SCIN: variants seen among roughly 807,000 people sequenced by gnomAD.
SCIN encodes the protein adseverin.
A neutral mutation model predicts 91.8 loss-of-function variants in SCIN; 91 were observed. The observed-to-expected ratio is 0.99, with a 90% CI of 0.84 to 1.18. The LOEUF (loss-of-function observed/expected upper bound fraction) is 1.18, where lower values mean the gene tolerates loss of function less well. SCIN is among the 50% of genes most tolerant of loss of function. The probability of loss-of-function intolerance (pLI) is 0.00; values close to 1 mark genes in which losing one functional copy is unlikely to be tolerated. For missense variants in SCIN, 1,087 were observed against 863.9 expected, an observed-to-expected ratio of 1.26 and a Z score of -3.24; for synonymous variants, 367 against 312.6, an observed-to-expected ratio of 1.17 and a Z score of -1.84.
At chr7:12,640,277 A>C (rs767137361) in intron 10 of SCIN, 70 bp from the exon 11 acceptor site, 1 of 1,325,622 alleles carries the variant, frequency 7.5e-7, no homozygotes, top group Admixed American at 3.0e-5. Context: ...ATAAGAACAC[A>C]TTTGGAACTA....
At chr7:12,612,396 G>A (rs1024255094) in intron 4 of SCIN, among the ~76,000 whole-genome samples, 1 of 152,120 alleles carries the variant, frequency 6.6e-6, no homozygotes, top group African/African-American at 2.4e-5. Context: ...TAGTCCTGAG[G>A]CTACACTGCA....
intron 11 of SCIN, among the ~76,000 whole-genome samples, chr7:12,642,171 T>C (rs1388464298): frequency 6.6e-6 from 1 of 152,038 alleles, no homozygotes; most frequent in African/African-American, 2.4e-5. Context: ...TTACATAGAC[T>C]ATTGCTCCTA....
Position 12,640,468 on chromosome 7 carries a change from G to C in SCIN, c.1532G>C (p.Arg511Pro). 6.2e-7 allele frequency: 1 copy of C among 1,612,648 alleles called. No individual in the cohort carries two copies. The highest frequency in any genetic ancestry group is 8.5e-7 in the Non-Finnish European group (1 of 1,179,356). ...KGGQAPAPPT[R>P]LFQVRRNLAS... is the part of the protein sequence containing the mutation. ...GGTCAGGCACCTGCTCCCCCTACAC[G>C]CCTCTTTCAAGTCCGGAGAAACCTG... is the stretch of plus-strand genomic sequence containing the variant. The change falls in exon 11 of 16, where the codon CGC (arginine) becomes CCC (proline). Residue 511 changes from arginine (R) to proline (P), a missense_variant. Transcript: ENST00000297029.
At chr7:12,607,417 AAAAG>A (rs1264588866) in intron 4 of SCIN, among the ~76,000 whole-genome samples, 16 of 152,242 alleles carry the variant, frequency 1.1e-4, no homozygotes, top group African/African-American at 3.9e-4. Context: ...AATGTTTCGA[AAAAG>A]AAAGTGTAAA....
chr7:12,601,032 T>C (rs998861804), intron 3 of SCIN, among the ~76,000 whole-genome samples: 12 of 152,230 alleles, frequency 7.9e-5, no homozygotes, highest in Admixed American at 2.6e-4. Context: ...CACTATTCTT[T>C]TAGAAATAGG....
In SCIN at chr7:12,658,202, C is replaced by G. The variant is rs1784205345; in HGVS notation, c.*5487C>G. ...TAGGTAAACAGTAAACAAGAATAAGCAAATTTGAGTTTTCCTAATTATTTG... is the reference window on the plus strand; with the variant it reads ...TAGGTAAACAGTAAACAAGAATAAGGAAATTTGAGTTTTCCTAATTATTTG... On this transcript the variant is annotated 3_prime_UTR_variant, in exon 16 of 16. Coordinates refer to ENST00000297029, the MANE Select transcript of SCIN (RefSeq NM_001112706.3). 1 of 152,136 alleles carries G rather than the reference C, an allele frequency of 6.6e-6. No individual in the cohort carries two copies. The highest frequency in any genetic ancestry group is 1.5e-5 in the Non-Finnish European group (1 of 68,030). 9.4% of individuals were successfully genotyped at this position (152,136 alleles called of 1,614,324 possible).
chr7:12,642,141 A>G (rs1783870470), intron 11 of SCIN, among the ~76,000 whole-genome samples: 1 of 151,944 alleles, frequency 6.6e-6, no homozygotes, highest in African/African-American at 2.4e-5. Flanking sequence ...TATATCAATA[A>G]ATAATTTATT....
intron 3 of SCIN, among the ~76,000 whole-genome samples, chr7:12,586,810 G>A (rs1486899963): frequency 3.3e-5 from 5 of 152,164 alleles, no homozygotes; most frequent in African/African-American, 1.2e-4. Flanking sequence ...ATTATGTTAA[G>A]CAAAGCAAGT....
At chr7:12,645,533 C>T (rs1249922202) in intron 13 of SCIN, among the ~76,000 whole-genome samples, 3 of 152,062 alleles carry the variant, frequency 2.0e-5, no homozygotes, top group African/African-American at 4.8e-5. Context: ...TGTGCAGGTT[C>T]GTTACATAGG....
In SCIN at chr7:12,652,697, G is replaced by A. The variant is rs773493034; in HGVS notation, c.2130G>A (p.Trp710Ter). 1.2e-6 allele frequency: 2 copies of A among 1,603,180 alleles called. No homozygotes were observed. Among genetic ancestry groups the A allele is most frequent in the Non-Finnish European group, 1.7e-6 (2 of 1,176,454 alleles). The change falls in exon 16 of 16, where the codon TGG becomes TGA. Residue 710 changes from tryptophan (W) to a stop codon, truncating the protein, a stop_gained. Coordinates refer to ENST00000297029, the MANE Select transcript of SCIN (RefSeq NM_001112706.3). LOFTEE classifies it high-confidence loss of function. The part of the protein sequence containing the change: ...PPTFTGWFLG[W>*]DSSKW ...CATTCACAGGCTGGTTCCTGGGCTG[G>A]GATTCCAGCAAGTGGTAAATTGGTA...
chr7:12,613,434 C>T (rs116877011), intron 4 of SCIN, among the ~76,000 whole-genome samples: 1,772 of 152,134 alleles, frequency 0.012, 12 homozygotes, highest in Non-Finnish European at 0.019. Context: ...TTAGCCAAGC[C>T]CAGATACGAA....
intron 4 of SCIN, among the ~76,000 whole-genome samples, chr7:12,616,058 A>C (rs953724278): frequency 6.6e-6 from 1 of 152,160 alleles, no homozygotes; most frequent in Non-Finnish European, 1.5e-5. Flanking sequence ...TCATGTTCTC[A>C]TTATAGGGGT....
In SCIN at chr7:12,655,752, A is replaced by G. The variant is rs1346673836; in HGVS notation, c.*3037A>G. 6.6e-6 allele frequency: 1 copy of G among 152,228 alleles called. No homozygotes were observed. The highest frequency in any genetic ancestry group is 1.9e-4 in the East Asian group (1 of 5,194). The allele number at this position is 152,228 out of a possible 1,614,324, so 9.4% of individuals were successfully genotyped here. A position where few individuals can be genotyped will look rare whatever the true frequency, so the allele number is the denominator to read the frequency against. On this transcript the variant is annotated 3_prime_UTR_variant, in exon 16 of 16. Coordinates refer to ENST00000297029, the MANE Select transcript of SCIN (RefSeq NM_001112706.3). ...ATTTGCCAAACGTATGTACTAATCT[A>G]AAACCAAACACATTAGACTAGGTAC...
At position 12,605,775 on chromosome 7, in the gene SCIN, A is replaced by G. The variant is rs549152276; in HGVS notation, c.666+1112A>G. Among the ~76,000 whole-genome samples, 256 of 152,300 alleles carry G rather than the reference A, an allele frequency of 1.7e-3. 1 individual carries two copies. The highest frequency in any genetic ancestry group is 2.7e-3 in the Non-Finnish European group (184 of 68,016). On this transcript the variant is annotated intron_variant, in intron 4 of 15. Coordinates refer to ENST00000297029, the MANE Select transcript of SCIN (RefSeq NM_001112706.3). ...AAGGAATTAAATACAATCTTATACC[A>G]AGAGATTAAATATGCCAGTATTTAA...
chr7:12,627,885 T>A (rs923264313), intron 8 of SCIN, among the ~76,000 whole-genome samples: 4 of 152,150 alleles, frequency 2.6e-5, no homozygotes, highest in Non-Finnish European at 1.5e-5. Flanking sequence ...TTGTGCTCTC[T>A]CTAGGATCTA....
At chr7:12,602,868 T>G (rs1051351704) in intron 3 of SCIN, among the ~76,000 whole-genome samples, 1 of 152,182 alleles carries the variant, frequency 6.6e-6, no homozygotes, top group African/African-American at 2.4e-5. Flanking sequence ...TTAACACAAT[T>G]ATAGTGGTCC....
intron 3 of SCIN, among the ~76,000 whole-genome samples, chr7:12,591,960 G>A (rs769616140): frequency 3.6e-4 from 55 of 152,094 alleles, no homozygotes; most frequent in Non-Finnish European, 6.6e-4. Flanking sequence ...TTTAGAGAGG[G>A]GCTGCAAAGA....
intron 1 of SCIN, chr7:12,571,377 T>C (rs1782267776): frequency 2.9e-6 from 1 of 343,410 alleles, no homozygotes; most frequent in Non-Finnish European, 5.6e-6. Context: ...TCAGTCCTGC[T>C]TTCCCTGTCG....
At chr7:12,594,797 G>A (rs549956183) in intron 3 of SCIN, among the ~76,000 whole-genome samples, 10 of 152,264 alleles carry the variant, frequency 6.6e-5, no homozygotes, top group South Asian at 2.1e-4. Context: ...GGAGTCAGGC[G>A]TCCAGGAAAC....
Sources: allele counts gnomAD v4.1 joint callset (sites outside exome capture counted in the v4.1 genomes callset), GRCh38; gene constraint gnomAD v4.1.1; transcripts MANE v1.5; gene names NCBI Gene and HGNC (gene_info 2026-07-23, HGNC 2026-07-21).